CSMD3: variants seen among roughly 807,000 people sequenced by gnomAD.
CSMD3 encodes CUB and Sushi multiple domains 3, also known as CUB and sushi domain-containing protein 3.
CSMD3 carries 177 observed loss-of-function variants against 435.2 expected under a neutral mutation model. The ratio of observed to expected loss-of-function variants is 0.41; its 90% CI spans 0.36 to 0.46. CSMD3 has a LOEUF of 0.46. Ranked by LOEUF, CSMD3 falls within the 20% of genes least tolerant of loss-of-function variation. The probability of loss-of-function intolerance (pLI) is 0.34; values close to 1 mark genes in which losing one functional copy is unlikely to be tolerated. For synonymous variants in CSMD3, 1,656 were observed against 1,520.5 expected (o/e 1.09, Z -2.07); for missense variants, 4,265 against 4,504.6 (o/e 0.95, Z 1.52).
chr8:112,503,643 A>G (rs113135469), intron 30 of CSMD3, 147 bp downstream of exon 30: 6,137 of 527,026 alleles, frequency 0.012, 296 homozygotes, highest in African/African-American at 0.1. Context: ...CTACAGTGAG[A>G]ACGCTTTTAT....
chr8:112,492,943 A>G (rs1304488642), intron 30 of CSMD3, among the ~76,000 whole-genome samples: 1 of 152,114 alleles, frequency 6.6e-6, no homozygotes, highest in Non-Finnish European at 1.5e-5. Flanking sequence ...GAGGATGTAT[A>G]TAAGTTATAT....
chr8:113,379,708 AATAAT>A (rs1317681884), intron 1 of CSMD3, among the ~76,000 whole-genome samples: 1 of 152,242 alleles, frequency 6.6e-6, no homozygotes, highest in Non-Finnish European at 1.5e-5. Context: ...AAATTAATCT[AATAAT>A]ATAATATCTG....
rs138834165 is a variant in CSMD3, at chr8:113,017,477, A to C, written c.1030+1590T>G. ...GCTCCAGTTTCTACATATAAATATAAAATATATGCTACTTTATTTCTGTTT... is the reference window on the plus strand; with the variant it reads ...GCTCCAGTTTCTACATATAAATATACAATATATGCTACTTTATTTCTGTTT... On this transcript the variant is annotated intron_variant, in intron 6 of 70. Coordinates refer to ENST00000297405, the MANE Select transcript of CSMD3 (RefSeq NM_198123.2). Among the ~76,000 whole-genome samples the C allele has an allele frequency of 5.5e-3, 842 of 152,074 alleles. 2 individuals carry two copies. Among genetic ancestry groups the C allele is most frequent in the Non-Finnish European group, 8.3e-3 (566 of 67,868 alleles).
intron 23 of CSMD3, among the ~76,000 whole-genome samples, chr8:112,583,605 T>C (rs1029216479): frequency 4.6e-5 from 7 of 151,872 alleles, no homozygotes; most frequent in Admixed American, 2.6e-4. Context: ...CACAAGAAAA[T>C]TGTCACTTAA....
intron 15 of CSMD3, among the ~76,000 whole-genome samples, chr8:112,684,878 T>C (rs2075977746): frequency 6.6e-6 from 1 of 152,186 alleles, no homozygotes; most frequent in East Asian, 1.9e-4. Context: ...GTGAGTACTG[T>C]GGCTCAGTTA....
intron 3 of CSMD3, among the ~76,000 whole-genome samples, chr8:113,252,380 T>C (rs2093342324): frequency 6.6e-6 from 1 of 152,152 alleles, no homozygotes; most frequent in Non-Finnish European, 1.5e-5. Context: ...AAAGTGCATG[T>C]GAAGTTGTAA....
At chr8:112,897,741 C>T (rs2081993137) in intron 10 of CSMD3, among the ~76,000 whole-genome samples, 3 of 134,292 alleles carry the variant, frequency 2.2e-5, no homozygotes, top group South Asian at 4.5e-4. Flanking sequence ...TAGGGGAAGT[C>T]GTGGTAAGAA....
chr8:113,318,788 G>GTGTGTGTGTT (rs1196872321), intron 1 of CSMD3, among the ~76,000 whole-genome samples: 1 of 74,316 alleles, frequency 1.3e-5, no homozygotes, highest in Non-Finnish European at 2.5e-5. Flanking sequence ...TGAATAAGAT[G>GTGTGTGTGTT]TGTGTGTGTG....
intron 16 of CSMD3, among the ~76,000 whole-genome samples, chr8:112,680,530 C>T (rs1217492076): frequency 6.6e-6 from 1 of 152,130 alleles, no homozygotes; most frequent in Non-Finnish European, 1.5e-5. Flanking sequence ...TTACTTTAGT[C>T]CATTATTGTG....
rs1400176813 is a variant in CSMD3, at chr8:112,405,200, A to AC, written c.5809+1323_5809+1324insG. The stretch of plus-strand genomic sequence containing the variant: ...CTCTCTCTCAAAAAAAAAAAAAAAA[A>AC]AAAAAAAAACCCCCATATATATATA... On this transcript the variant is annotated intron_variant, in intron 35 of 70. Coordinates refer to ENST00000297405, the MANE Select transcript of CSMD3 (RefSeq NM_198123.2). Among the ~76,000 whole-genome samples the AC allele has an allele frequency of 1.4e-3, 54 of 39,328 alleles. 6 individuals carry two copies. The highest frequency in any genetic ancestry group is 2.5e-3 in the East Asian group (3 of 1,218). The allele number at this position is 39,328 out of a possible 152,430, so 25.8% of individuals were successfully genotyped here.
At chr8:113,080,520 A>G (rs1464010391) in intron 5 of CSMD3, among the ~76,000 whole-genome samples, 7 of 152,194 alleles carry the variant, frequency 4.6e-5, no homozygotes, top group Admixed American at 3.9e-4. Flanking sequence ...GAGATAGACA[A>G]AAATATCTCC....
rs146790645 is a variant in CSMD3, at chr8:113,154,644, C to T, written c.709+19078G>A. On this transcript the variant is annotated intron_variant, in intron 4 of 70. Coordinates refer to ENST00000297405, the MANE Select transcript of CSMD3 (RefSeq NM_198123.2). ...GTGAATAACAGAAGTAAACATATTG[C>T]GCAGTTGCTGCAGAATGAAAAGATG... 5.9e-3 allele frequency among the ~76,000 whole-genome samples: 896 copies of T among 151,972 alleles called. 4 individuals carry two copies. Among genetic ancestry groups the T allele is most frequent in the African/African-American group, 0.019 (794 of 41,498 alleles).
rs1041430807 is a variant in CSMD3 at position 112,597,683 on chromosome 8, T to C, written c.3716-10448A>G. ...GCTTATCCACCATGATCAAGTGGGC[T>C]TCATCCCTGGGATGCAAGGCTGGTT... On this transcript the variant is annotated intron_variant, in intron 22 of 70. Transcript: ENST00000297405. Among the ~76,000 whole-genome samples, 36 of 134,432 alleles carry C rather than the reference T, an allele frequency of 2.7e-4. 1 individual carries two copies. Among genetic ancestry groups the C allele is most frequent in the African/African-American group, 1.0e-3 (34 of 33,938 alleles). The allele number at this position is 134,432 out of a possible 152,430, so 88.2% of individuals were successfully genotyped here.
chr8:113,400,774 C>A (rs938747717), intron 1 of CSMD3, among the ~76,000 whole-genome samples: 1 of 151,750 alleles, frequency 6.6e-6, no homozygotes. Context: ...GTGGTACAAA[C>A]CCAGGAATTA....
At chr8:112,885,364 G>GTA (rs5894114) in intron 10 of CSMD3, among the ~76,000 whole-genome samples, 101 of 148,692 alleles carry the variant, frequency 6.8e-4, no homozygotes, top group East Asian at 1.6e-3. Context: ...CAAATAGCCA[G>GTA]TATATATATA....
At chr8:112,900,241 T>G (rs984659014) in intron 10 of CSMD3, among the ~76,000 whole-genome samples, 1 of 151,292 alleles carries the variant, frequency 6.6e-6, no homozygotes, top group Non-Finnish European at 1.5e-5. Flanking sequence ...ATTGGTCTCT[T>G]GTGTGTATAT....
At chr8:113,270,301 C>T (rs202147136) in intron 3 of CSMD3, among the ~76,000 whole-genome samples, 1 of 144,984 alleles carries the variant, frequency 6.9e-6, no homozygotes, top group Admixed American at 6.8e-5. Flanking sequence ...ATTAAAAAGT[C>T]GATCATTAAA....
intron 50 of CSMD3, among the ~76,000 whole-genome samples, chr8:112,307,594 T>C (rs929219610): frequency 6.6e-6 from 1 of 152,140 alleles, no homozygotes; most frequent in African/African-American, 2.4e-5. Flanking sequence ...TATGTGTATC[T>C]TTATATATCA....
intron 13 of CSMD3, among the ~76,000 whole-genome samples, chr8:112,693,903 A>T (rs1027935299): frequency 1.1e-4 from 17 of 151,700 alleles, no homozygotes; most frequent in African/African-American, 4.1e-4. Context: ...ACATATACAC[A>T]CACATTTATA....
Sources: gnomAD v4.1 joint callset for allele counts (sites outside exome capture counted in the v4.1 genomes callset) on GRCh38, gnomAD v4.1.1 for gene constraint, MANE v1.5 for transcripts, NCBI Gene and HGNC (gene_info 2026-07-23, HGNC 2026-07-21) for gene names.